Variants in ALG6 observed in about 807,000 individuals in gnomAD.
ALG6 encodes the protein dolichyl pyrophosphate Man9GlcNAc2 alpha-1,3-glucosyltransferase.
In ALG6, 46 loss-of-function variants were observed where a neutral mutation model predicts 66.6. That is an observed-to-expected ratio of 0.69 (90% CI 0.55 to 0.88). The LOEUF (loss-of-function observed/expected upper bound fraction) is 0.88, where lower values mean the gene tolerates loss of function less well. Among genes scored for constraint, ALG6 ranks in the 40% least tolerant of loss-of-function variants. The pLI, the probability that ALG6 is intolerant of heterozygous loss-of-function variation, is 0.00. For synonymous variants in ALG6, 185 were observed against 203.7 expected (o/e 0.91, Z 0.78); for missense variants, 505 against 586.8 (o/e 0.86, Z 1.44).
intron 2 of ALG6, among the ~76,000 whole-genome samples, chr1:63,395,275 C>G (rs2100403769): frequency 6.6e-6 from 1 of 152,312 alleles, no homozygotes; most frequent in Middle Eastern, 3.4e-3. Context: ...TTAAAGTAAT[C>G]AAACCGTAAA....
chr1:63,432,260 G>T (rs11208219), intron 14 of ALG6, among the ~76,000 whole-genome samples: 127,109 of 150,760 alleles, frequency 0.84, 54,139 homozygotes, highest in East Asian at 0.98. Context: ...GGTCATGTGT[G>T]TTTTTTTTCT....
intron 3 of ALG6, 107 bp from the exon 4 acceptor site, chr1:63,402,147 A>T: frequency 1.3e-6 from 1 of 770,052 alleles, no homozygotes; most frequent in Non-Finnish European, 2.2e-6. Context: ...AATAATTAGT[A>T]AATTACATTA....
At chr1:63,424,128 C>T (rs571177099) in intron 12 of ALG6, among the ~76,000 whole-genome samples, 1 of 152,050 alleles carries the variant, frequency 6.6e-6, no homozygotes, top group Non-Finnish European at 1.5e-5. Context: ...CAGAGACAAG[C>T]CTATTTAAAT....
chr1:63,371,627 C>T (rs370879458), intron 2 of ALG6, among the ~76,000 whole-genome samples: 14 of 151,192 alleles, frequency 9.3e-5, no homozygotes, highest in African/African-American at 1.5e-4. Flanking sequence ...TTTTTTGATA[C>T]GGAGCCTCGC....
intron 1 of ALG6, 127 bp from the exon 2 acceptor site, chr1:63,370,644 C>T (rs774073382): frequency 1.0e-5 from 3 of 295,724 alleles, no homozygotes; most frequent in East Asian, 8.6e-5. Context: ...TAAAATACCA[C>T]GTTTCCTTCA....
chr1:63,410,845 A>G (rs1431971151), intron 7 of ALG6, among the ~76,000 whole-genome samples: 1 of 152,180 alleles, frequency 6.6e-6, no homozygotes, highest in Non-Finnish European at 1.5e-5. Flanking sequence ...GAAGTAATCT[A>G]ACAGAAACAA....
intron 2 of ALG6, among the ~76,000 whole-genome samples, chr1:63,373,657 C>CTTTTTTTTTTTTT (rs1557578257): frequency 8.7e-6 from 1 of 114,760 alleles, no homozygotes; most frequent in Non-Finnish European, 1.8e-5. Flanking sequence ...ATTTAATTTA[C>CTTTTTTTTTTTTT]ATTTTTTTTT....
chr1:63,370,690 A>G (rs1394158809), intron 1 of ALG6, 81 bp from the exon 2 acceptor site: 2 of 384,292 alleles, frequency 5.2e-6, no homozygotes, highest in South Asian at 2.8e-5. Context: ...CGAATTCTCT[A>G]TCCTTCTACT....
rs1644452136 is a variant in ALG6, at chr1:63,400,276, T to C, written c.168-1978T>C. 3.2e-4 allele frequency among the ~76,000 whole-genome samples: 7 copies of C among 21,732 alleles called. 1 individual carries two copies. Among genetic ancestry groups the C allele is most frequent in the East Asian group, 5.4e-3 (2 of 370 alleles). The allele number at this position is 21,732 out of a possible 152,430, so 14.3% of individuals were successfully genotyped here. On this transcript the variant is annotated intron_variant, in intron 3 of 14. Transcript: ENST00000263440. ...ATATGTATATATATATACGTATATA[T>C]ATATACGTATATATATATACGTATA...
In ALG6 at chr1:63,433,010, T is replaced by C. The variant is rs1644656218; in HGVS notation, c.1327-3813T>C. The stretch of plus-strand genomic sequence containing the variant: ...CAGGCTGGAGTGCAATGGCACGAAC[T>C]TGGCTCACTGCAACCTCAACCTCCT... On this transcript the variant is annotated intron_variant, in intron 14 of 14. Coordinates refer to ENST00000263440, the MANE Select transcript of ALG6 (RefSeq NM_013339.4). This position sits in a 1 kb window ranked among gnomAD's most constrained non-coding sequence, Gnocchi z 4.2. Among the ~76,000 whole-genome samples, 1 of 152,230 alleles carries C rather than the reference T, an allele frequency of 6.6e-6. No individual in the cohort carries two copies. Among genetic ancestry groups the C allele is most frequent in the Non-Finnish European group, 1.5e-5 (1 of 68,040 alleles).
At chr1:63,435,060 T>C (rs56689693) in intron 14 of ALG6, among the ~76,000 whole-genome samples, 23,383 of 152,202 alleles carry the variant, frequency 0.15, 2,249 homozygotes, top group South Asian at 0.22. Flanking sequence ...CTGGAGGTCA[T>C]TATGGATGTT....
At chr1:63,395,204 A>C (rs1648785166) in intron 2 of ALG6, among the ~76,000 whole-genome samples, 1 of 152,200 alleles carries the variant, frequency 6.6e-6, no homozygotes, top group Non-Finnish European at 1.5e-5. Context: ...TTTGGTATAT[A>C]GTAAGCACTA....
chr1:63,396,431 T>A, intron 2 of ALG6, 82 bp from the exon 3 acceptor site: 4 of 1,220,030 alleles, frequency 3.3e-6, no homozygotes, highest in Non-Finnish European at 3.6e-6. Flanking sequence ...CCTCTCTAAT[T>A]TAGACAATTT....
At chr1:63,372,673 T>C (rs1440928374) in intron 2 of ALG6, among the ~76,000 whole-genome samples, 1 of 152,028 alleles carries the variant, frequency 6.6e-6, no homozygotes, top group African/African-American at 2.4e-5. Flanking sequence ...TATCGTAGCT[T>C]TTTTTTGAGA....
intron 4 of ALG6, 45 bp downstream of exon 4, chr1:63,402,388 G>T: frequency 7.7e-7 from 1 of 1,306,212 alleles, no homozygotes. Flanking sequence ...TTATGCCCTT[G>T]GCAGATTTAG....
At position 63,433,797 on chromosome 1, in the gene ALG6, C is replaced by A. The variant is rs1185460067; in HGVS notation, c.1327-3026C>A. ...TCCCTGCTCCCATGGAGGTTGCATT[C>A]TAGTGGAGAAATCCAGCACCAGCAT... is the stretch of plus-strand genomic sequence containing the variant. On this transcript the variant is annotated intron_variant, in intron 14 of 14. Transcript: ENST00000263440. The surrounding 1 kb of genome is among the most constrained non-coding windows in gnomAD (Gnocchi z 4.2). Among the ~76,000 whole-genome samples, 1 of 152,148 alleles carries A rather than the reference C, an allele frequency of 6.6e-6. No homozygotes were observed. The highest frequency in any genetic ancestry group is 1.5e-5 in the Non-Finnish European group (1 of 68,036).
intron 14 of ALG6, among the ~76,000 whole-genome samples, chr1:63,432,258 G>GTTTTTTT (rs139890401): frequency 4.0e-5 from 6 of 149,566 alleles, no homozygotes; most frequent in African/African-American, 1.5e-4. Flanking sequence ...TTGGTCATGT[G>GTTTTTTT]TGTTTTTTTT....
At chr1:63,373,932 C>T (rs1167157651) in intron 2 of ALG6, among the ~76,000 whole-genome samples, 2 of 152,046 alleles carry the variant, frequency 1.3e-5, no homozygotes, top group Non-Finnish European at 2.9e-5. Flanking sequence ...TTTTCAAATA[C>T]TCTGGCTTAA....
chr1:63,429,424 AT>A (rs1225612080), intron 14 of ALG6: 3 of 294,160 alleles, frequency 1.0e-5, no homozygotes, highest in Non-Finnish European at 1.9e-5. Flanking sequence ...GCCTCTTTAG[AT>A]TTGCCTACTT....
Sources: gnomAD v4.1 joint callset for allele counts (sites outside exome capture counted in the v4.1 genomes callset) on GRCh38, gnomAD v4.1.1 for gene constraint, Gnocchi (gnomAD v3.1) non-coding constraint, MANE v1.5 for transcripts, NCBI Gene and HGNC (gene_info 2026-07-23, HGNC 2026-07-21) for gene names.